The following DAAM1 variants were observed in gnomAD, a reference collection of about 807,000 sequenced individuals.
DAAM1 encodes the protein dishevelled associated activator of morphogenesis 1, also known as disheveled-associated activator of morphogenesis 1.
DAAM1 carries 52 observed loss-of-function variants against 130.0 expected under a neutral mutation model. The ratio of observed to expected loss-of-function variants is 0.40; its 90% CI spans 0.32 to 0.50. DAAM1 has a LOEUF of 0.50. DAAM1 is among the 20% of genes least tolerant of loss of function. The pLI is 0.61. For synonymous variants in DAAM1, 452 were observed against 444.5 expected (o/e 1.02, Z -0.21); for missense variants, 1,134 against 1,303.8 (o/e 0.87, Z 2.01).
intron 15 of DAAM1, among the ~76,000 whole-genome samples, chr14:59,337,553 CATT>C (rs1484397035): frequency 6.6e-6 from 1 of 152,254 alleles, no homozygotes; most frequent in Non-Finnish European, 1.5e-5. Context: ...AAGCCTTATT[CATT>C]TCAGCATTGC....
At chr14:59,366,854 G>C (rs1384179675) in intron 23 of DAAM1, among the ~76,000 whole-genome samples, 1 of 151,800 alleles carries the variant, frequency 6.6e-6, no homozygotes, top group Non-Finnish European at 1.5e-5. Context: ...GCTGTATTTT[G>C]CTGTGATCAT....
At chr14:59,198,207 C>CTTTTCTTTCT (rs1887971228) in intron 1 of DAAM1, among the ~76,000 whole-genome samples, 1 of 133,428 alleles carries the variant, frequency 7.5e-6, no homozygotes, top group African/African-American at 2.8e-5. Flanking sequence ...TCTTTTCTTT[C>CTTTTCTTTCT]TTTTTTTTTT....
chr14:59,273,315 T>C (rs1882810806), intron 2 of DAAM1, among the ~76,000 whole-genome samples: 1 of 152,220 alleles, frequency 6.6e-6, no homozygotes, highest in South Asian at 2.1e-4. Flanking sequence ...AAATATTTTG[T>C]TACCATTTCA....
chr14:59,208,679 A>G (rs1888336919), intron 1 of DAAM1, among the ~76,000 whole-genome samples: 1 of 152,122 alleles, frequency 6.6e-6, no homozygotes, highest in Non-Finnish European at 1.5e-5. Context: ...CATCAATATC[A>G]TTTGGATGTT....
In DAAM1 at chr14:59,368,839, A is replaced by G. The variant is rs751203986; in HGVS notation, c.3187A>G (p.Ile1063Val). ...QMTDSSRERP[I>V]TKLNF is the part of the protein sequence containing the mutation. ...GACTGACAGCAGCAGAGAGAGACCA[A>G]TCACAAAACTTAATTTCTAATTTTC... The change falls in exon 25 of 25, where the codon ATC becomes GTC. Residue 1063 changes from isoleucine to valine, a missense_variant. Ile to Val is a conservative substitution (Grantham distance 29). Transcript: ENST00000360909. The G allele has an allele frequency of 1.4e-5, 22 of 1,613,130 alleles. No homozygotes were observed. The South Asian group carries it at 1.5e-4, about 11-fold the overall frequency.
chr14:59,310,922 C>T (rs758487520), intron 3 of DAAM1, among the ~76,000 whole-genome samples: 5 of 151,750 alleles, frequency 3.3e-5, no homozygotes, highest in Admixed American at 6.6e-5. Context: ...TTGACCTTTG[C>T]ATAGCTTATT....
At chr14:59,253,931 C>T (rs369014470) in intron 1 of DAAM1, among the ~76,000 whole-genome samples, 4 of 152,184 alleles carry the variant, frequency 2.6e-5, no homozygotes, top group Non-Finnish European at 2.9e-5. Flanking sequence ...TATTCAACTT[C>T]GCATCTCTCA....
chr14:59,234,649 A>T (rs989659877), intron 1 of DAAM1, among the ~76,000 whole-genome samples: 1 of 151,926 alleles, frequency 6.6e-6, no homozygotes, highest in Non-Finnish European at 1.5e-5. Context: ...CATGGCCAGA[A>T]CTCCCGATAC....
chr14:59,355,543 T>G (rs1043747884), intron 20 of DAAM1, among the ~76,000 whole-genome samples: 9 of 152,218 alleles, frequency 5.9e-5, no homozygotes, highest in Non-Finnish European at 1.2e-4. Context: ...GTTGGACCAA[T>G]TATCCTTCAT....
Position 59,314,633 on chromosome 14 carries a change from G to C in DAAM1, c.274-647G>C, listed in dbSNP as rs546137605. On this transcript the variant is annotated intron_variant, in intron 3 of 24. Coordinates refer to ENST00000360909, the MANE Select transcript of DAAM1 (RefSeq NM_001270520.2). ...TTAGGAATCGGTGCCTGAATTCTTTGGGTTTCAGTTCTTTTCCACTCAGAG... is the reference window on the plus strand; with the variant it reads ...TTAGGAATCGGTGCCTGAATTCTTTCGGTTTCAGTTCTTTTCCACTCAGAG... Among the ~76,000 whole-genome samples, 3 of 152,212 alleles carry C rather than the reference G, an allele frequency of 2.0e-5. No individual in the cohort carries two copies. In the East Asian group the frequency reaches 5.8e-4, roughly 29 times the overall value.
rs558331445 is a variant in DAAM1, at chr14:59,339,024, T to C, written c.1969-1050T>C. On this transcript the variant is annotated intron_variant, in intron 15 of 24. Transcript: ENST00000360909. ...AGCAGTCTGATCCAAGATTTTGTAG[T>C]TTGTAGAACTGATAATGTTAGATGT... Among the ~76,000 whole-genome samples, 15 of 152,340 alleles carry C rather than the reference T, an allele frequency of 9.8e-5. No individual in the cohort carries two copies. The South Asian group carries it at 2.9e-3, about 29-fold the overall frequency.
chr14:59,302,341 A>G (rs1346983180), intron 3 of DAAM1, among the ~76,000 whole-genome samples: 1 of 152,232 alleles, frequency 6.6e-6, no homozygotes, highest in East Asian at 1.9e-4. Flanking sequence ...AGCAATATAC[A>G]GCTGAGAAAA....
At chr14:59,262,548 AC>A in intron 1 of DAAM1, among the ~76,000 whole-genome samples, 1 of 152,336 alleles carries the variant, frequency 6.6e-6, no homozygotes, top group Non-Finnish European at 1.5e-5. Flanking sequence ...ATTTATAAAT[AC>A]ATACATTCTT....
chr14:59,314,427 TCTG>T (rs1594816339), intron 3 of DAAM1, among the ~76,000 whole-genome samples: 1 of 152,100 alleles, frequency 6.6e-6, no homozygotes, highest in Admixed American at 6.5e-5. Flanking sequence ...AGTGCCATCT[TCTG>T]CTGGGCTCAG....
intron 1 of DAAM1, among the ~76,000 whole-genome samples, chr14:59,203,939 C>A (rs1888186918): frequency 6.6e-6 from 1 of 152,204 alleles, no homozygotes; most frequent in African/African-American, 2.4e-5. Context: ...TTATGTAGCT[C>A]AAGGTTTCTC....
chr14:59,195,503 G>A (rs891527249), intron 1 of DAAM1, among the ~76,000 whole-genome samples: 1 of 152,026 alleles, frequency 6.6e-6, no homozygotes, highest in Admixed American at 6.5e-5. Flanking sequence ...GGTTTATTCT[G>A]TTCTATAAAT....
In DAAM1 at chr14:59,368,901, C is replaced by T. The variant is rs776423576; in HGVS notation, c.*42C>T. The T allele has an allele frequency of 6.3e-7, 1 of 1,580,988 alleles. No individual in the cohort carries two copies. The highest frequency in any genetic ancestry group is 1.1e-5 in the South Asian group (1 of 87,562). ...TTTTTTAGAAAGCTCATTAGCAGCC[C>T]TCTAAAGTGACTAGAACGTTTCATT... On this transcript the variant is annotated 3_prime_UTR_variant, in exon 25 of 25. Coordinates refer to ENST00000360909, the MANE Select transcript of DAAM1 (RefSeq NM_001270520.2).
intron 3 of DAAM1, among the ~76,000 whole-genome samples, chr14:59,309,545 C>G (rs756448331): frequency 1.4e-4 from 21 of 152,186 alleles, no homozygotes; most frequent in South Asian, 4.1e-4. Context: ...TGGCCAGTCA[C>G]TTGTTTTAGT....
intron 2 of DAAM1, among the ~76,000 whole-genome samples, chr14:59,267,901 CCT>C (rs939626354): frequency 5.6e-5 from 5 of 88,982 alleles, no homozygotes; most frequent in Non-Finnish European, 6.5e-5. Flanking sequence ...TACGCCCCCC[CCT>C]TTTTTTTTTT....
Sources: allele counts gnomAD v4.1 joint callset (sites outside exome capture counted in the v4.1 genomes callset), GRCh38; gene constraint gnomAD v4.1.1; transcripts MANE v1.5; gene names NCBI Gene and HGNC (gene_info 2026-07-23, HGNC 2026-07-21).